The following SEPHS1 variants were observed in gnomAD, a reference collection of about 807,000 sequenced individuals.
SEPHS1 encodes the protein zincore component SEPHS1.
In SEPHS1, 7 loss-of-function variants were observed where a neutral mutation model predicts 39.2. The observed-to-expected ratio is 0.18, with a 90% CI of 0.10 to 0.34. The LOEUF (loss-of-function observed/expected upper bound fraction) is 0.34, where lower values mean the gene tolerates loss of function less well. Ranked by LOEUF, SEPHS1 falls within the 10% of genes least tolerant of loss-of-function variation. The pLI is 1.00. For synonymous variants in SEPHS1, 190 were observed against 195.5 expected (o/e 0.97, Z 0.23); for missense variants, 253 against 514.5 (o/e 0.49, Z 4.92).
intron 5 of SEPHS1, among the ~76,000 whole-genome samples, chr10:13,331,065 A>G (rs1179988523): frequency 6.6e-6 from 1 of 152,008 alleles, no homozygotes; most frequent in Non-Finnish European, 1.5e-5. Flanking sequence ...ACTCCCACCT[A>G]TGAGTGAGAA....
chr10:13,333,281 G>A (rs1165985864), intron 5 of SEPHS1, among the ~76,000 whole-genome samples: 2 of 151,752 alleles, frequency 1.3e-5, no homozygotes, highest in Non-Finnish European at 2.9e-5. Context: ...TTACAGGCAT[G>A]TACCATCATG....
chr10:13,331,907 G>A (rs1412804737), intron 5 of SEPHS1, among the ~76,000 whole-genome samples: 1 of 152,240 alleles, frequency 6.6e-6, no homozygotes, highest in Non-Finnish European at 1.5e-5. Context: ...AAGTACTGGA[G>A]GGGTCATAGA....
At chr10:13,325,703 C>T (rs1272934877) in intron 7 of SEPHS1, among the ~76,000 whole-genome samples, 2 of 151,894 alleles carry the variant, frequency 1.3e-5, no homozygotes, top group African/African-American at 4.8e-5. Context: ...TCAAGACCAG[C>T]CTGACCAACA....
At chr10:13,344,147 G>A (rs1157257264) in intron 2 of SEPHS1, among the ~76,000 whole-genome samples, 3 of 152,068 alleles carry the variant, frequency 2.0e-5, no homozygotes, top group African/African-American at 7.3e-5. Context: ...CTTTTCGCCC[G>A]ATGCACCCTG....
chr10:13,325,025 AGT>A, intron 7 of SEPHS1, among the ~76,000 whole-genome samples: 1 of 152,014 alleles, frequency 6.6e-6, no homozygotes, highest in African/African-American at 2.4e-5. Flanking sequence ...TTTATTATTG[AGT>A]TTTAAGAGTC....
At chr10:13,327,947 G>A (rs1833352841) in intron 7 of SEPHS1, among the ~76,000 whole-genome samples, 3 of 152,324 alleles carry the variant, frequency 2.0e-5, no homozygotes, top group Non-Finnish European at 2.9e-5. Flanking sequence ...ACAAAATTCA[G>A]TGGTTACACC....
At chr10:13,340,090 C>T (rs1269802729) in intron 2 of SEPHS1, among the ~76,000 whole-genome samples, 4 of 152,076 alleles carry the variant, frequency 2.6e-5, no homozygotes, top group South Asian at 2.1e-4. Flanking sequence ...CGCACTAAAA[C>T]GACCTTTAAT....
In SEPHS1 at chr10:13,317,649, A is replaced by G. The variant is rs761239841; in HGVS notation, c.*1493T>C. 1.3e-5 allele frequency: 2 copies of G among 152,236 alleles called. No homozygotes were observed. Among genetic ancestry groups the G allele is most frequent in the Non-Finnish European group, 2.9e-5 (2 of 68,052 alleles). The allele number at this position is 152,236 out of a possible 1,614,324, so 9.4% of individuals were successfully genotyped here. A position where few individuals can be genotyped will look rare whatever the true frequency, so the allele number is the denominator to read the frequency against. On this transcript the variant is annotated 3_prime_UTR_variant, in exon 9 of 9. Coordinates refer to ENST00000327347, the MANE Select transcript of SEPHS1 (RefSeq NM_012247.5). ...TCCTGGAGGAGGGCGCGTCCGAGTT[A>G]AAGCCTCTTCCAGGAGCTTGAACTT...
chr10:13,326,977 C>A (rs539669584), intron 7 of SEPHS1, among the ~76,000 whole-genome samples: 17 of 152,092 alleles, frequency 1.1e-4, no homozygotes, highest in Non-Finnish European at 2.4e-4. Context: ...ATGGCTCACG[C>A]CTATAATCCT....
At chr10:13,320,711 A>G (rs564805320) in intron 8 of SEPHS1, among the ~76,000 whole-genome samples, 133 of 151,984 alleles carry the variant, frequency 8.8e-4, no homozygotes, top group Admixed American at 1.1e-3. Context: ...CAGCCCTGTA[A>G]TCCCAGCTAC....
At position 13,322,744 on chromosome 10, in the gene SEPHS1, G is replaced by A. The variant is rs968287017; in HGVS notation, c.964+91C>T. The A allele has an allele frequency of 2.5e-6, 3 of 1,214,996 alleles. No homozygotes were observed. The Admixed American group carries it at 5.9e-5, about 24-fold the overall frequency. 75.3% of individuals were successfully genotyped at this position (1,214,996 alleles called of 1,614,324 possible). ...CAGCAGCATGGAACTCGAACAGAGT[G>A]GGGGCCCACTCGGGGTGGGGCTGCT... On this transcript the variant is annotated intron_variant, in intron 8 of 8. Transcript: ENST00000327347.
At chr10:13,347,598 A>AGGGGAGGC (rs1346148436) in intron 1 of SEPHS1, among the ~76,000 whole-genome samples, 9 of 146,350 alleles carry the variant, frequency 6.1e-5, no homozygotes, top group South Asian at 2.1e-4. Flanking sequence ...CGCGGAGAAA[A>AGGGGAGGC]GGGGAGGCGG....
intron 1 of SEPHS1, among the ~76,000 whole-genome samples, chr10:13,345,614 G>A (rs41291319): frequency 0.1 from 15,470 of 152,216 alleles, 1,060 homozygotes; most frequent in African/African-American, 0.19. Context: ...TGGGCGTGGT[G>A]GCTCATGCCT....
At chr10:13,331,183 C>T (rs1355040537) in intron 5 of SEPHS1, among the ~76,000 whole-genome samples, 5 of 152,146 alleles carry the variant, frequency 3.3e-5, no homozygotes, top group Middle Eastern at 3.2e-3. Flanking sequence ...TTTACGGCTG[C>T]GTAGTATTCC....
Position 13,333,904 on chromosome 10 carries a change from G to C in SEPHS1, c.473C>G (p.Ser158Cys). The C allele has an allele frequency of 6.2e-7, 1 of 1,613,990 alleles. No homozygotes were observed. Among genetic ancestry groups the C allele is most frequent in the Non-Finnish European group, 8.5e-7 (1 of 1,179,870 alleles). The change falls in exon 5 of 9, where the codon TCT becomes TGT. Residue 158 changes from serine to cysteine, a missense_variant. By Grantham distance (112) the Ser-to-Cys change is moderately radical. Transcript: ENST00000327347. ...TAGTACTGTTTGGCCGCCTGTTACAGATGTTCCTGCTTCCTCAGCTGCGTC... is the reference window on the plus strand; with the variant it reads ...TAGTACTGTTTGGCCGCCTGTTACACATGTTCCTGCTTCCTCAGCTGCGTC... Reference protein sequence around the residue: ...FKDAAEEAGTSVTGGQTVLNP... With the variant: ...FKDAAEEAGTCVTGGQTVLNP...
intron 5 of SEPHS1, 75 bp from the exon 6 acceptor site, chr10:13,329,863 G>C (rs1401130745): frequency 3.3e-6 from 4 of 1,199,764 alleles, no homozygotes; most frequent in Non-Finnish European, 4.8e-6. Context: ...CACAAGAGAA[G>C]GAATAATCTG....
At chr10:13,321,396 C>A (rs1021124711) in intron 8 of SEPHS1, among the ~76,000 whole-genome samples, 1 of 151,998 alleles carries the variant, frequency 6.6e-6, no homozygotes, top group Non-Finnish European at 1.5e-5. Context: ...ACAGGGCACA[C>A]GCCACGACGC....
intron 2 of SEPHS1, 93 bp downstream of exon 2, chr10:13,344,665 T>C (rs1833877890): frequency 1.1e-6 from 1 of 928,714 alleles, no homozygotes; most frequent in South Asian, 2.9e-5. Context: ...AAAGTAATAA[T>C]AAAAAATAAA....
chr10:13,327,463 T>G (rs559082635), intron 7 of SEPHS1, among the ~76,000 whole-genome samples: 1 of 152,328 alleles, frequency 6.6e-6, no homozygotes, highest in East Asian at 1.9e-4. Flanking sequence ...GGAGCTGTTT[T>G]GGGTGGAGGG....
Sources: allele counts gnomAD v4.1 joint callset (sites outside exome capture counted in the v4.1 genomes callset), GRCh38; gene constraint gnomAD v4.1.1; transcripts MANE v1.5; gene names NCBI Gene and HGNC (gene_info 2026-07-23, HGNC 2026-07-21).